The following PKHD1 variants were observed in gnomAD, a reference collection of about 807,000 sequenced individuals.
The protein encoded by PKHD1 is PKHD1 ciliary IPT domain containing fibrocystin/polyductin.
In PKHD1, 291 loss-of-function variants were observed where a neutral mutation model predicts 412.0. The observed-to-expected ratio is 0.71, with a 90% CI of 0.64 to 0.78. The LOEUF (loss-of-function observed/expected upper bound fraction) is 0.78, where lower values mean the gene tolerates loss of function less well. Among genes scored for constraint, PKHD1 ranks in the 30% least tolerant of loss-of-function variants. The pLI is 0.00. For missense variants in PKHD1, 4,825 were observed against 4,950.7 expected (o/e 0.97, Z 0.76); for synonymous variants, 1,777 against 1,821.5 (o/e 0.98, Z 0.62).
chr6:52,058,963 C>T (rs1031448003), intron 15 of PKHD1, among the ~76,000 whole-genome samples: 21 of 152,208 alleles, frequency 1.4e-4, no homozygotes, highest in African/African-American at 4.6e-4. Flanking sequence ...AAATCTATGA[C>T]ATTTCTCCAA....
intron 60 of PKHD1, among the ~76,000 whole-genome samples, chr6:51,681,152 G>A (rs924274493): frequency 2.6e-4 from 39 of 152,066 alleles, no homozygotes; most frequent in Non-Finnish European, 5.9e-5. Flanking sequence ...TGATCTATGA[G>A]AAATGACTTT....
chr6:52,027,736 A>T, intron 31 of PKHD1, 93 bp downstream of exon 31: 1 of 922,378 alleles, frequency 1.1e-6, no homozygotes, highest in Non-Finnish European at 1.8e-6. Flanking sequence ...CCTCTCTCTG[A>T]CCTCACTGGC....
intron 60 of PKHD1, among the ~76,000 whole-genome samples, chr6:51,736,333 T>C (rs1483285582): frequency 6.6e-6 from 1 of 152,186 alleles, no homozygotes; most frequent in Non-Finnish European, 1.5e-5. Flanking sequence ...CTTTGAAATG[T>C]AATCAAATAT....
rs188326941 is a variant in PKHD1 at position 52,024,199 on chromosome 6, A to T, written c.5236+375T>A. Reference sequence around the variant, plus strand: ...TGATAAAAATTTAATCATACTTAATAAATTTTAAACAACGCAAATTGGCAG... The same window carrying T: ...TGATAAAAATTTAATCATACTTAATTAATTTTAAACAACGCAAATTGGCAG... On this transcript the variant is annotated intron_variant, in intron 32 of 66. Transcript: ENST00000371117. 3.6e-3 allele frequency among the ~76,000 whole-genome samples: 554 copies of T among 152,370 alleles called. 1 individual carries two copies. The highest frequency in any genetic ancestry group is 6.4e-3 in the Non-Finnish European group (433 of 68,036).
intron 60 of PKHD1, among the ~76,000 whole-genome samples, chr6:51,678,817 T>A (rs1279420895): frequency 1.3e-5 from 2 of 152,146 alleles, no homozygotes; most frequent in African/African-American, 4.8e-5. Flanking sequence ...TTTTTAATGT[T>A]AATTTTATTT....
In PKHD1 at chr6:52,024,800, T is replaced by A; in HGVS notation, c.5010A>T (p.Leu1670Phe). The A allele has an allele frequency of 6.2e-7, 1 of 1,614,236 alleles. No individual in the cohort carries two copies. The highest frequency in any genetic ancestry group is 8.5e-7 in the Non-Finnish European group (1 of 1,180,048). Reference sequence around the variant, plus strand: ...CTGAGATCTGGGCCACTGCAAAGGTTAAGATGTCATCGCTCTGAGAAATAG... The same window carrying A: ...CTGAGATCTGGGCCACTGCAAAGGTAAAGATGTCATCGCTCTGAGAAATAG... ...LISISQSDDI[L>F]TFAVAQISGA... The change falls in exon 32 of 67, where the codon TTA becomes TTT. Residue 1670 changes from leucine to phenylalanine, a missense_variant. Physicochemically the swap from Leu to Phe is conservative, Grantham distance 22. Transcript: ENST00000371117.
chr6:51,870,581 G>C lies in PKHD1; in HGVS notation c.7409C>G (p.Ser2470Cys). ...KTPKRWELMV[S>C]NTTFVNFDLI... is the part of the protein sequence containing the mutation. The stretch of plus-strand genomic sequence containing the variant: ...ATCAAAATTAACAAAGGTTGTGTTA[G>C]ACACCATCAGTTCCCATCTTTTAGG... Residue 2470 changes from serine (S) to cysteine (C), a missense_variant, in exon 47 of 67, where the codon TCT becomes TGT. Physicochemically the swap from Ser to Cys is moderately radical, Grantham distance 112. Coordinates refer to ENST00000371117, the MANE Select transcript of PKHD1 (RefSeq NM_138694.4). The C allele has an allele frequency of 6.2e-7, 1 of 1,607,076 alleles. No individual in the cohort carries two copies. The highest frequency in any genetic ancestry group is 8.5e-7 in the Non-Finnish European group (1 of 1,173,628).
intron 36 of PKHD1, among the ~76,000 whole-genome samples, chr6:51,937,956 T>C (rs1402566984): frequency 6.6e-6 from 1 of 152,222 alleles, no homozygotes; most frequent in East Asian, 1.9e-4. Flanking sequence ...ATCTTGTTCC[T>C]AGCCTCACAG....
At chr6:51,727,467 G>A (rs1185651438) in intron 60 of PKHD1, among the ~76,000 whole-genome samples, 1 of 152,206 alleles carries the variant, frequency 6.6e-6, no homozygotes, top group African/African-American at 2.4e-5. Context: ...AGAGATCCAA[G>A]TGGGTGACTT....
At position 51,659,181 on chromosome 6, in the gene PKHD1, C is replaced by T. The variant is rs920207688; in HGVS notation, c.10945G>A (p.Ala3649Thr). 1 of 1,613,624 alleles carries T rather than the reference C, an allele frequency of 6.2e-7. No homozygotes were observed. Among genetic ancestry groups the T allele is most frequent in the African/African-American group, 1.3e-5 (1 of 74,868 alleles). The change falls in exon 61 of 67, where the codon GCT becomes ACT. Residue 3649 changes from alanine to threonine, a missense_variant. By Grantham distance (58) the Ala-to-Thr change is moderately conservative. Coordinates refer to ENST00000371117, the MANE Select transcript of PKHD1 (RefSeq NM_138694.4). Reference sequence around the variant, plus strand: ...GTTTCCACAGTCATTGGGGGTGAAGCCCTATGTGAGTTCATTTCCATCATG... The same window carrying T: ...GTTTCCACAGTCATTGGGGGTGAAGTCCTATGTGAGTTCATTTCCATCATG... ...PLMMEMNSHR[A>T]SPPMTVETIS... is the part of the protein sequence containing the mutation.
intron 15 of PKHD1, among the ~76,000 whole-genome samples, chr6:52,059,259 C>CT (rs55992586): frequency 0.37 from 31,181 of 83,422 alleles, 6,255 homozygotes; most frequent in Non-Finnish European, 0.46. Flanking sequence ...TTTTCTTTTT[C>CT]TTTTTTTTTT....
rs1562452827 is a variant in PKHD1 at position 51,847,796 on chromosome 6, G to C, written c.8086C>G (p.Leu2696Val). 6.2e-7 allele frequency: 1 copy of C among 1,613,508 alleles called. No individual in the cohort carries two copies. Among genetic ancestry groups the C allele is most frequent in the Non-Finnish European group, 8.5e-7 (1 of 1,179,454 alleles). The part of the protein sequence containing the change: ...QGCDWFFNSQ[L>V]RQLTYLVSGE... ...TTACCCAGATAGGTGAGTTGCCTCA[G>C]CTGGCTATTGAAGAACCAGTCACAG... The change falls in exon 50 of 67, where the codon CTG becomes GTG. Residue 2696 changes from leucine to valine, a missense_variant. Coordinates refer to ENST00000371117, the MANE Select transcript of PKHD1 (RefSeq NM_138694.4).
rs536438018 is a variant in PKHD1, at chr6:51,868,758, CAATT to C, written c.7487-653_7487-650del. ...AAACATTTACTTTCAAAAGCAAACT[CAATT>C]AATCACTTGGGCAAATAGTATTAGT... On this transcript the variant is annotated intron_variant, in intron 47 of 66. Transcript: ENST00000371117. Among the ~76,000 whole-genome samples the C allele has an allele frequency of 6.5e-4, 99 of 152,244 alleles. No individual in the cohort carries two copies. In the East Asian group the frequency reaches 8.7e-3, roughly 13 times the overall value.
intron 53 of PKHD1, among the ~76,000 whole-genome samples, chr6:51,786,065 G>A (rs879832936): frequency 3.3e-5 from 5 of 151,978 alleles, no homozygotes; most frequent in African/African-American, 7.3e-5. Context: ...TATGAAATAC[G>A]TACTATTATT....
At chr6:52,028,458 T>C (rs1052726805) in intron 29 of PKHD1, 107 bp from the exon 30 acceptor site, 3 of 982,226 alleles carry the variant, frequency 3.1e-6, no homozygotes, top group Admixed American at 1.9e-5. Flanking sequence ...GTCACCCCTA[T>C]GCATAATACT....
chr6:51,699,301 C>T (rs1779147379), intron 60 of PKHD1, among the ~76,000 whole-genome samples: 1 of 152,144 alleles, frequency 6.6e-6, no homozygotes, highest in Non-Finnish European at 1.5e-5. Flanking sequence ...TATAGTTTTT[C>T]CTTTTCCAGA....
chr6:51,859,398 C>A (rs1195681866), intron 48 of PKHD1, among the ~76,000 whole-genome samples: 2 of 151,724 alleles, frequency 1.3e-5, no homozygotes, highest in African/African-American at 2.4e-5. Flanking sequence ...TGGCAGCATG[C>A]GCCTGTAGTC....
chr6:51,697,397 A>G (rs1277514850), intron 60 of PKHD1, among the ~76,000 whole-genome samples: 3 of 152,200 alleles, frequency 2.0e-5, no homozygotes, highest in African/African-American at 7.2e-5. Flanking sequence ...CCATCAACAC[A>G]TATTCTGCAC....
intron 39 of PKHD1, 40 bp from the exon 40 acceptor site, chr6:51,909,514 A>T: frequency 8.2e-6 from 12 of 1,465,152 alleles, no homozygotes; most frequent in African/African-American, 1.4e-5. Context: ...TAAAGCATGT[A>T]GAACATGCTT....
Sources: gnomAD v4.1 joint callset for allele counts (sites outside exome capture counted in the v4.1 genomes callset) on GRCh38, gnomAD v4.1.1 for gene constraint, MANE v1.5 for transcripts, NCBI Gene and HGNC (gene_info 2026-07-23, HGNC 2026-07-21) for gene names.